The following UBAP1 variants were observed in gnomAD, a reference collection of about 807,000 sequenced individuals.
UBAP1 encodes the protein ubiquitin-associated protein 1.
A neutral mutation model predicts 39.0 loss-of-function variants in UBAP1; 5 were observed. The ratio of observed to expected loss-of-function variants is 0.13; its 90% CI spans 0.07 to 0.27. UBAP1 has a LOEUF of 0.27. Ranked by LOEUF, UBAP1 falls within the 10% of genes least tolerant of loss-of-function variation. The pLI is 1.00. For missense variants in UBAP1, 490 were observed against 608.1 expected, an observed-to-expected ratio of 0.81 and a Z score of 2.04; for synonymous variants, 211 against 225.1, an observed-to-expected ratio of 0.94 and a Z score of 0.56.
chr9:34,238,563 G>A (rs1195768678), intron 3 of UBAP1, among the ~76,000 whole-genome samples: 1 of 152,160 alleles, frequency 6.6e-6, no homozygotes, highest in Non-Finnish European at 1.5e-5. Context: ...TGGGTGAGAA[G>A]TTGTCTCTCA....
intron 6 of UBAP1, 114 bp from the exon 7 acceptor site, chr9:34,251,278 A>C: frequency 8.7e-7 from 1 of 1,151,250 alleles, no homozygotes; most frequent in Non-Finnish European, 1.2e-6. Context: ...GCTCTGGGGG[A>C]AGGATGTAGA....
intron 1 of UBAP1, among the ~76,000 whole-genome samples, chr9:34,188,256 C>T (rs1830515015): frequency 6.6e-6 from 1 of 151,958 alleles, no homozygotes; most frequent in Admixed American, 6.6e-5. Flanking sequence ...GAAAGGCATA[C>T]TCTTAGATCA....
intron 1 of UBAP1, among the ~76,000 whole-genome samples, chr9:34,206,573 A>G (rs1831706689): frequency 6.6e-6 from 1 of 151,586 alleles, no homozygotes; most frequent in African/African-American, 2.4e-5. Context: ...GTATTACAGC[A>G]TCTTGACTTA....
At chr9:34,249,675 G>T in intron 4 of UBAP1, 104 bp from the exon 5 acceptor site, 1 of 1,100,560 alleles carries the variant, frequency 9.1e-7, no homozygotes, top group South Asian at 1.5e-5. Context: ...GCTTTTCTTG[G>T]GGCTTGAATA....
At chr9:34,193,188 G>C (rs1830830548) in intron 1 of UBAP1, among the ~76,000 whole-genome samples, 1 of 152,044 alleles carries the variant, frequency 6.6e-6, no homozygotes, top group Admixed American at 6.6e-5. Context: ...TATGCACCTA[G>C]AATCCCAGTT....
At position 34,181,116 on chromosome 9, in the gene UBAP1, C is replaced by CTTTCTTTTTTTTTTT. The variant is rs1193356334; in HGVS notation, c.-8+1879_-8+1880insCTTTTTTTTTTTTTT. Among the ~76,000 whole-genome samples, 40 of 72,274 alleles carry CTTTCTTTTTTTTTTT rather than the reference C, an allele frequency of 5.5e-4. 1 individual carries two copies. The highest frequency in any genetic ancestry group is 6.1e-4 in the Non-Finnish European group (24 of 39,226). 47.4% of individuals were successfully genotyped at this position (72,274 alleles called of 152,430 possible). On this transcript the variant is annotated intron_variant, in intron 1 of 6. Coordinates refer to ENST00000297661, the MANE Select transcript of UBAP1 (RefSeq NM_016525.5). ...TGAGCCACCGCACCCGGCCTGTTTT[C>CTTTCTTTTTTTTTTT]TTTTTTTTTTTTTTTTTGAGACAGA... is the stretch of plus-strand genomic sequence containing the variant.
intron 1 of UBAP1, among the ~76,000 whole-genome samples, chr9:34,181,034 T>A (rs967074625): frequency 6.6e-6 from 1 of 151,894 alleles, no homozygotes; most frequent in African/African-American, 2.4e-5. Context: ...GGTCTCGAAC[T>A]TCTGACCTCA....
At chr9:34,243,903 G>C (rs1474131163) in intron 4 of UBAP1, among the ~76,000 whole-genome samples, 3 of 152,156 alleles carry the variant, frequency 2.0e-5, no homozygotes, top group African/African-American at 7.2e-5. Context: ...AGGCTGGAGT[G>C]CAGTGGCGTG....
At chr9:34,226,269 G>A (rs1833100638) in intron 2 of UBAP1, among the ~76,000 whole-genome samples, 1 of 143,860 alleles carries the variant, frequency 7.0e-6, no homozygotes, top group Non-Finnish European at 1.5e-5. Context: ...CCGCTCTGTC[G>A]CCCATGCTGG....
At chr9:34,196,757 C>T (rs1485120537) in intron 1 of UBAP1, among the ~76,000 whole-genome samples, 1 of 152,042 alleles carries the variant, frequency 6.6e-6, no homozygotes, top group East Asian at 1.9e-4. Context: ...ACTGATTCTT[C>T]AGCTTGATTG....
At chr9:34,215,583 G>A (rs751995160) in intron 1 of UBAP1, among the ~76,000 whole-genome samples, 7 of 151,926 alleles carry the variant, frequency 4.6e-5, no homozygotes, top group African/African-American at 1.5e-4. Flanking sequence ...AGGGTGCAGC[G>A]TATACTGCTC....
intron 4 of UBAP1, among the ~76,000 whole-genome samples, chr9:34,248,055 T>C (rs78506542): frequency 6.6e-6 from 1 of 151,514 alleles, no homozygotes; most frequent in Non-Finnish European, 1.5e-5. Flanking sequence ...TTTTTTTTTT[T>C]CAGACAGTCT....
Position 34,193,225 on chromosome 9 carries a change from C to T in UBAP1, c.-8+13985C>T, listed in dbSNP as rs147948738. On this transcript the variant is annotated intron_variant, in intron 1 of 6. Coordinates refer to ENST00000297661, the MANE Select transcript of UBAP1 (RefSeq NM_016525.5). Reference sequence around the variant, plus strand: ...CTCAGGGGGGCTGAGGCAGGAGGATCGCTTGAACCCAGGAGGTGGAGGTTG... The same window carrying T: ...CTCAGGGGGGCTGAGGCAGGAGGATTGCTTGAACCCAGGAGGTGGAGGTTG... 5.4e-4 allele frequency among the ~76,000 whole-genome samples: 82 copies of T among 152,204 alleles called. 3 individuals are homozygous for T. In the East Asian group the frequency reaches 0.016, roughly 29 times the overall value.
intron 4 of UBAP1, among the ~76,000 whole-genome samples, chr9:34,244,280 G>A (rs1369986797): frequency 1.3e-5 from 2 of 151,016 alleles, no homozygotes; most frequent in Admixed American, 1.3e-4. Flanking sequence ...ACACACATAA[G>A]TGAGAACATG....
intron 1 of UBAP1, among the ~76,000 whole-genome samples, chr9:34,215,085 A>G (rs1347665512): frequency 1.3e-5 from 2 of 152,198 alleles, no homozygotes; most frequent in Non-Finnish European, 2.9e-5. Context: ...TAAAGAACTA[A>G]GAGTAGAACT....
chr9:34,235,307 A>G (rs574991430), intron 3 of UBAP1, among the ~76,000 whole-genome samples: 3,542 of 140,394 alleles, frequency 0.025, 59 homozygotes, highest in Non-Finnish European at 0.037. Context: ...GTATATATAT[A>G]TGTGTGTGTG....
intron 1 of UBAP1, among the ~76,000 whole-genome samples, chr9:34,219,758 C>CT: frequency 1.5e-5 from 1 of 68,816 alleles, no homozygotes; most frequent in Non-Finnish European, 3.0e-5. Flanking sequence ...CCCCTCCCCT[C>CT]CCCTCTCCCC....
intron 3 of UBAP1, among the ~76,000 whole-genome samples, chr9:34,235,742 C>T (rs1016155790): frequency 2.0e-5 from 3 of 151,986 alleles, no homozygotes; most frequent in African/African-American, 7.3e-5. Flanking sequence ...ATTTACCATT[C>T]GCTTACTCAC....
chr9:34,187,780 G>T (rs1426701400), intron 1 of UBAP1, among the ~76,000 whole-genome samples: 2 of 150,432 alleles, frequency 1.3e-5, no homozygotes, highest in Admixed American at 1.3e-4. Flanking sequence ...ATTGTAGATT[G>T]TGGAAGAGTT....
Sources: gnomAD v4.1 joint callset for allele counts (sites outside exome capture counted in the v4.1 genomes callset) on GRCh38, gnomAD v4.1.1 for gene constraint, MANE v1.5 for transcripts, NCBI Gene and HGNC (gene_info 2026-07-23, HGNC 2026-07-21) for gene names.